The following THADA variants were observed in gnomAD, a reference collection of about 807,000 sequenced individuals.
THADA encodes the protein tRNA (32-2'-O)-methyltransferase regulator THADA.
Under a neutral mutation model 219.8 loss-of-function variants are expected in THADA, and 213 were observed. The observed-to-expected ratio is 0.97, with a 90% CI of 0.87 to 1.09. The LOEUF is 1.09. THADA is among the 50% of genes least tolerant of loss of function. The pLI is 0.00. For missense variants in THADA, 2,956 were observed against 2,311.3 expected (o/e 1.28, Z -5.72); for synonymous variants, 1,018 against 828.9 (o/e 1.23, Z -3.92).
At chr2:43,376,686 C>T (rs529816178) in intron 29 of THADA, among the ~76,000 whole-genome samples, 1 of 152,174 alleles carries the variant, frequency 6.6e-6, no homozygotes, top group South Asian at 2.1e-4. Flanking sequence ...TTCGCAGAGG[C>T]TCTGGCAACC....
At position 43,388,489 on chromosome 2, in the gene THADA, A is replaced by G. The variant is rs73923588; in HGVS notation, c.4227+9482T>C. 6.2e-3 allele frequency among the ~76,000 whole-genome samples: 947 copies of G among 152,324 alleles called. 13 individuals carry two copies. The highest frequency in any genetic ancestry group is 0.022 in the African/African-American group (920 of 41,560). ...TCCTGTATCTCCTTTCACTTTATGA[A>G]CTTCAAATTTCTCCCTTCCCATGAT... On this transcript the variant is annotated intron_variant, in intron 29 of 37. Coordinates refer to ENST00000405975, the MANE Select transcript of THADA (RefSeq NM_022065.5).
chr2:43,308,744 T>C (rs1220395079), intron 31 of THADA, among the ~76,000 whole-genome samples: 3 of 87,692 alleles, frequency 3.4e-5, no homozygotes, highest in African/African-American at 1.0e-4. Context: ...TGCTGAAACA[T>C]TGGATACCCA....
chr2:43,354,180 T>C lies in THADA; in HGVS notation c.4228-9943A>G, dbSNP rs572678502. On this transcript the variant is annotated intron_variant, in intron 29 of 37. Coordinates refer to ENST00000405975, the MANE Select transcript of THADA (RefSeq NM_022065.5). ...CATGTTGACCAGGCTGGTCTTGAACTCCTGACCTCAAGTGATCCACCCGCC... is the reference window on the plus strand; with the variant it reads ...CATGTTGACCAGGCTGGTCTTGAACCCCTGACCTCAAGTGATCCACCCGCC... Among the ~76,000 whole-genome samples the C allele has an allele frequency of 3.1e-3, 465 of 152,126 alleles. 4 individuals carry two copies. Among genetic ancestry groups the C allele is most frequent in the African/African-American group, 0.011 (452 of 41,476 alleles).
intron 26 of THADA, chr2:43,484,423 C>G (rs1460418786): frequency 5.9e-6 from 1 of 169,084 alleles, no homozygotes; most frequent in African/African-American, 2.4e-5. Context: ...TCTAGATCCT[C>G]AAGAGAAAGA....
intron 26 of THADA, among the ~76,000 whole-genome samples, chr2:43,455,386 C>G (rs916466765): frequency 7.2e-5 from 11 of 152,092 alleles, no homozygotes; most frequent in Admixed American, 7.2e-4. Flanking sequence ...TAAAAAATCT[C>G]TATTTTTCTT....
chr2:43,592,575 C>T (rs1428545656), intron 1 of THADA, among the ~76,000 whole-genome samples, 159 bp from the exon 2 acceptor site: 1 of 152,186 alleles, frequency 6.6e-6, no homozygotes, highest in African/African-American at 2.4e-5. Flanking sequence ...ACCCTCCTCC[C>T]TCCCAAGTTC....
intron 28 of THADA, among the ~76,000 whole-genome samples, chr2:43,425,783 C>A (rs11124934): frequency 6.6e-6 from 1 of 151,784 alleles, no homozygotes; most frequent in East Asian, 1.9e-4. Flanking sequence ...CAGTGACTCT[C>A]AGAAGATGTG....
intron 31 of THADA, among the ~76,000 whole-genome samples, chr2:43,296,984 C>G (rs1487057587): frequency 9.8e-6 from 1 of 101,828 alleles, no homozygotes; most frequent in Admixed American, 9.6e-5. Context: ...TGAGGAGTGT[C>G]TCTGCCTGGC....
chr2:43,486,383 T>C (rs1172166215), intron 25 of THADA: 6 of 152,158 alleles, frequency 3.9e-5, no homozygotes, highest in African/African-American at 1.2e-4. Context: ...TTTGGCACTA[T>C]AGGCTTCCTC....
At position 43,586,400 on chromosome 2, in the gene THADA, C is replaced by A; in HGVS notation, c.533+1G>T. 6.3e-7 allele frequency: 1 copy of A among 1,582,990 alleles called. No individual in the cohort carries two copies. Among genetic ancestry groups the A allele is most frequent in the Non-Finnish European group, 8.6e-7 (1 of 1,165,370 alleles). On this transcript the variant is annotated splice_donor_variant, in intron 7 of 37. Transcript: ENST00000405975. LOFTEE classifies it high-confidence loss of function. ...CACAAATGCCAACATATAGCACTTG[C>A]CTATTTTCTTCCAGGATTTCAATTA...
chr2:43,475,631 G>A (rs894419596), intron 26 of THADA, among the ~76,000 whole-genome samples: 10 of 152,054 alleles, frequency 6.6e-5, no homozygotes, highest in African/African-American at 1.7e-4. Context: ...TAGCATTTTC[G>A]TGGTTAGGAA....
rs1381688938 is a variant in THADA, at chr2:43,517,091, T to C, written c.3375-8311A>G. Among the ~76,000 whole-genome samples, 4 of 152,102 alleles carry C rather than the reference T, an allele frequency of 2.6e-5. No homozygotes were observed. In the East Asian group the frequency reaches 7.7e-4, roughly 29 times the overall value. On this transcript the variant is annotated intron_variant, in intron 22 of 37. Transcript: ENST00000405975. ...ATAGTTCTAAATGAACTGGGTGACATGAATAGAGAGCTAGCTAGAAAATTA... is the reference window on the plus strand; with the variant it reads ...ATAGTTCTAAATGAACTGGGTGACACGAATAGAGAGCTAGCTAGAAAATTA...
intron 29 of THADA, among the ~76,000 whole-genome samples, chr2:43,393,705 C>G (rs1405781213): frequency 7.7e-6 from 1 of 130,224 alleles, no homozygotes; most frequent in African/African-American, 2.8e-5. Context: ...GAGACTCCGT[C>G]TTAAAAAAAA....
intron 29 of THADA, among the ~76,000 whole-genome samples, chr2:43,365,403 T>C (rs1670013115): frequency 6.6e-6 from 1 of 151,874 alleles, no homozygotes; most frequent in South Asian, 2.1e-4. Context: ...AAACCCCGTC[T>C]CCACTAAAAA....
chr2:43,305,018 T>G (rs2104418322), intron 31 of THADA, among the ~76,000 whole-genome samples: 1 of 152,306 alleles, frequency 6.6e-6, no homozygotes, highest in East Asian at 1.9e-4. Context: ...TTTTTCTATT[T>G]TAAAGAATTG....
intron 36 of THADA, among the ~76,000 whole-genome samples, chr2:43,270,268 G>C (rs562027538): frequency 9.2e-5 from 14 of 152,240 alleles, no homozygotes; most frequent in African/African-American, 2.9e-4. Context: ...TAAGTCAGAG[G>C]CTCTAAAACC....
At chr2:43,533,600 T>A (rs897741501) in intron 21 of THADA, among the ~76,000 whole-genome samples, 2 of 152,176 alleles carry the variant, frequency 1.3e-5, no homozygotes, top group Non-Finnish European at 2.9e-5. Flanking sequence ...GGGACTTGGA[T>A]GAAGCTGGAA....
chr2:43,527,859 C>A lies in THADA; in HGVS notation c.3374+20G>T. On this transcript the variant is annotated intron_variant, in intron 22 of 37. Coordinates refer to ENST00000405975, the MANE Select transcript of THADA (RefSeq NM_022065.5). ...ATATTTAGTCTTTTTAAAACGTACA[C>A]AAAAGGATATTTGTTTTACCTGTTT... 6.5e-7 allele frequency: 1 copy of A among 1,530,722 alleles called. No individual in the cohort carries two copies. The highest frequency in any genetic ancestry group is 2.3e-5 in the East Asian group (1 of 44,358). The allele number at this position is 1,530,722 out of a possible 1,614,324, so 94.8% of individuals were successfully genotyped here. A position where few individuals can be genotyped will look rare whatever the true frequency, so the allele number is the denominator to read the frequency against.
chr2:43,453,684 C>A (rs900549976), intron 26 of THADA, among the ~76,000 whole-genome samples: 2 of 152,106 alleles, frequency 1.3e-5, no homozygotes, highest in African/African-American at 4.8e-5. Context: ...CTCTTGCAGA[C>A]CCTGGAAAGG....
Sources: allele counts gnomAD v4.1 joint callset (sites outside exome capture counted in the v4.1 genomes callset), GRCh38; gene constraint gnomAD v4.1.1; transcripts MANE v1.5; gene names NCBI Gene and HGNC (gene_info 2026-07-23, HGNC 2026-07-21).